ADGRL3: variants seen among roughly 807,000 people sequenced by gnomAD.
The protein encoded by ADGRL3 is adhesion G protein-coupled receptor L3, also known as calcium-independent alpha-latrotoxin receptor 3.
Under a neutral mutation model 153.5 loss-of-function variants are expected in ADGRL3, and 62 were observed. The observed-to-expected ratio is 0.40, with a 90% CI of 0.33 to 0.50. The LOEUF (loss-of-function observed/expected upper bound fraction) is 0.50, where lower values mean the gene tolerates loss of function less well. ADGRL3 is among the 20% of genes least tolerant of loss of function. The pLI is 0.47. For synonymous variants in ADGRL3, 710 were observed against 672.5 expected (o/e 1.06, Z -0.86); for missense variants, 1,641 against 1,859.4 (o/e 0.88, Z 2.16).
intron 6 of ADGRL3, among the ~76,000 whole-genome samples, chr4:61,699,475 A>T (rs1352253988): frequency 6.6e-6 from 1 of 152,182 alleles, no homozygotes; most frequent in Non-Finnish European, 1.5e-5. Context: ...AGGGAGAAAG[A>T]CACATGGCTC....
chr4:61,364,101 C>T (rs1389713641), intron 1 of ADGRL3, among the ~76,000 whole-genome samples: 1 of 151,686 alleles, frequency 6.6e-6, no homozygotes, highest in Non-Finnish European at 1.5e-5. Flanking sequence ...GGAGGCCAAG[C>T]CGGGTGGATC....
At chr4:61,608,409 G>T (rs1053344496) in intron 5 of ADGRL3, among the ~76,000 whole-genome samples, 1 of 152,064 alleles carries the variant, frequency 6.6e-6, no homozygotes. Context: ...CCCTCTTACA[G>T]TTGACATTAT....
At chr4:61,353,843 ATG>A (rs1332393542) in intron 1 of ADGRL3, among the ~76,000 whole-genome samples, 1 of 151,842 alleles carries the variant, frequency 6.6e-6, no homozygotes, top group Non-Finnish European at 1.5e-5. Flanking sequence ...GGGCATAAAT[ATG>A]TGTGTTACAT....
At chr4:61,951,722 G>A (rs1315344977) in intron 17 of ADGRL3, among the ~76,000 whole-genome samples, 2 of 152,058 alleles carry the variant, frequency 1.3e-5, no homozygotes, top group African/African-American at 2.4e-5. Context: ...AAAATTAGCT[G>A]GGCGTGATGG....
chr4:61,811,893 A>T (rs1336570649), intron 8 of ADGRL3, among the ~76,000 whole-genome samples: 3 of 152,154 alleles, frequency 2.0e-5, no homozygotes, highest in Non-Finnish European at 4.4e-5. Context: ...GCAATGTTCC[A>T]GTATTATACA....
intron 6 of ADGRL3, among the ~76,000 whole-genome samples, chr4:61,688,669 C>T (rs569871984): frequency 6.8e-4 from 104 of 152,204 alleles, no homozygotes; most frequent in Non-Finnish European, 1.0e-3. Context: ...TTATGTAATC[C>T]ACCTAATTTA....
chr4:62,050,287 A>G (rs1319150878), intron 25 of ADGRL3, among the ~76,000 whole-genome samples: 2 of 152,078 alleles, frequency 1.3e-5, no homozygotes, highest in African/African-American at 4.8e-5. Context: ...AAATAAAGGT[A>G]ATATATTTCT....
chr4:61,893,177 A>T (rs2098602331), intron 10 of ADGRL3, among the ~76,000 whole-genome samples: 1 of 146,180 alleles, frequency 6.8e-6, no homozygotes, highest in African/African-American at 2.5e-5. Flanking sequence ...TTTCATTACA[A>T]CATATTTTAT....
intron 5 of ADGRL3, among the ~76,000 whole-genome samples, chr4:61,637,099 T>C (rs1449086938): frequency 4.6e-5 from 7 of 152,094 alleles, no homozygotes; most frequent in African/African-American, 1.7e-4. Context: ...CTGTTACAGG[T>C]TGAACTGTGC....
intron 2 of ADGRL3, among the ~76,000 whole-genome samples, chr4:61,471,920 T>C (rs1460954011): frequency 1.3e-5 from 2 of 151,286 alleles, no homozygotes; most frequent in Non-Finnish European, 2.9e-5. Context: ...TACAGTATAA[T>C]ATAATACGAT....
At chr4:61,756,327 T>C (rs1344088052) in intron 8 of ADGRL3, among the ~76,000 whole-genome samples, 1 of 152,170 alleles carries the variant, frequency 6.6e-6, no homozygotes, top group Non-Finnish European at 1.5e-5. Context: ...CTTGAAGAGG[T>C]CCTTCACATC....
At chr4:61,843,809 C>T (rs1377759844) in intron 9 of ADGRL3, among the ~76,000 whole-genome samples, 1 of 151,776 alleles carries the variant, frequency 6.6e-6, no homozygotes, top group East Asian at 1.9e-4. Context: ...CCCAGGAGTT[C>T]GAGACAAGCC....
At chr4:61,921,147 C>G (rs886461844) in intron 13 of ADGRL3, among the ~76,000 whole-genome samples, 1 of 151,848 alleles carries the variant, frequency 6.6e-6, no homozygotes, top group African/African-American at 2.4e-5. Flanking sequence ...CTAAAAAAAA[C>G]TTTTAAAAGC....
Position 61,885,223 on chromosome 4 carries a change from G to A in ADGRL3, c.1481-7433G>A, listed in dbSNP as rs370354207. ...GCGCGCCTGTAATCCCAGCTACTCAGCAGCTGAAACAGGAGAATCGCTTGA... is the reference window on the plus strand; with the variant it reads ...GCGCGCCTGTAATCCCAGCTACTCAACAGCTGAAACAGGAGAATCGCTTGA... On this transcript the variant is annotated intron_variant, in intron 9 of 26. Transcript: ENST00000683033. Among the ~76,000 whole-genome samples, 36 of 152,164 alleles carry A rather than the reference G, an allele frequency of 2.4e-4. No individual in the cohort carries two copies. In the South Asian group the frequency reaches 7.5e-3, roughly 32 times the overall value.
intron 1 of ADGRL3, among the ~76,000 whole-genome samples, chr4:61,366,809 T>A (rs2096406589): frequency 6.6e-6 from 1 of 152,220 alleles, no homozygotes; most frequent in Non-Finnish European, 1.5e-5. Context: ...TTTTTACTGT[T>A]ATTCATATAC....
intron 6 of ADGRL3, among the ~76,000 whole-genome samples, chr4:61,681,632 T>A (rs2095337988): frequency 1.3e-5 from 2 of 152,070 alleles, no homozygotes; most frequent in African/African-American, 4.8e-5. Context: ...ATTGGAAGAT[T>A]GGTATTTATA....
At chr4:61,970,026 T>C (rs1332692586) in intron 17 of ADGRL3, among the ~76,000 whole-genome samples, 2 of 152,210 alleles carry the variant, frequency 1.3e-5, no homozygotes, top group Non-Finnish European at 2.9e-5. Context: ...TGAGCAAACC[T>C]GGGCAGTTGG....
intron 17 of ADGRL3, among the ~76,000 whole-genome samples, chr4:61,956,762 C>T (rs2098968621): frequency 1.3e-5 from 2 of 152,154 alleles, no homozygotes; most frequent in Admixed American, 6.5e-5. Flanking sequence ...TATGGCTAGT[C>T]AGTTTTCCCA....
chr4:61,931,287 TC>T (rs1316258648), intron 13 of ADGRL3, among the ~76,000 whole-genome samples: 1 of 152,186 alleles, frequency 6.6e-6, no homozygotes, highest in Admixed American at 6.5e-5. Context: ...GAAGATTTAT[TC>T]CTTCCAGATT....
Sources: allele counts gnomAD v4.1 joint callset (sites outside exome capture counted in the v4.1 genomes callset), GRCh38; gene constraint gnomAD v4.1.1; transcripts MANE v1.5; gene names NCBI Gene and HGNC (gene_info 2026-07-23, HGNC 2026-07-21).